The following TRAF3 variants were observed in gnomAD, a reference collection of about 807,000 sequenced individuals.
The protein encoded by TRAF3 is TNF receptor-associated factor 3.
TRAF3 carries 13 observed loss-of-function variants against 62.3 expected under a neutral mutation model. That is an observed-to-expected ratio of 0.21 (90% confidence interval 0.14 to 0.33). TRAF3 has a LOEUF of 0.33. Among genes scored for constraint, TRAF3 ranks in the 10% least tolerant of loss-of-function variants. The probability of loss-of-function intolerance (pLI) is 1.00; values close to 1 mark genes in which losing one functional copy is unlikely to be tolerated. For synonymous variants in TRAF3, 269 were observed against 283.4 expected, an observed-to-expected ratio of 0.95 and a Z score of 0.51; for missense variants, 440 against 741.8, an observed-to-expected ratio of 0.59 and a Z score of 4.73.
intron 2 of TRAF3, among the ~76,000 whole-genome samples, chr14:102,861,183 C>T (rs1245990123): frequency 2.0e-5 from 3 of 152,170 alleles, no homozygotes; most frequent in African/African-American, 7.2e-5. Context: ...CTCTAGTTTC[C>T]CCTTTTGGGG....
At chr14:102,904,284 C>G (rs2140005946) in intron 11 of TRAF3, among the ~76,000 whole-genome samples, 1 of 152,352 alleles carries the variant, frequency 6.6e-6, no homozygotes, top group African/African-American at 2.4e-5. Flanking sequence ...GGGCAGGGAC[C>G]TGGGCTCTTC....
chr14:102,838,765 C>T (rs901949397), intron 2 of TRAF3, among the ~76,000 whole-genome samples: 4 of 151,960 alleles, frequency 2.6e-5, no homozygotes, highest in Admixed American at 6.6e-5. Context: ...GAGGCTGGCT[C>T]GGAAGCAGCA....
chr14:102,869,715 A>G (rs1389866227), intron 2 of TRAF3, among the ~76,000 whole-genome samples: 1 of 151,676 alleles, frequency 6.6e-6, no homozygotes. Context: ...CTGAGGCAGG[A>G]GAATGGCATG....
chr14:102,839,960 G>A (rs1171550148), intron 2 of TRAF3, among the ~76,000 whole-genome samples: 2 of 152,044 alleles, frequency 1.3e-5, no homozygotes, highest in African/African-American at 4.8e-5. Context: ...TGGCAGTTCC[G>A]ACAAACTCTT....
At chr14:102,802,405 C>T (rs1204591933) in intron 1 of TRAF3, among the ~76,000 whole-genome samples, 19 of 142,834 alleles carry the variant, frequency 1.3e-4, no homozygotes, top group Middle Eastern at 7.9e-3. Context: ...CTGCCCGCCT[C>T]GGCCTCCCAA....
At position 102,846,006 on chromosome 14, in the gene TRAF3, AAAAT is replaced by A. The variant is rs1183966884; in HGVS notation, c.-18+15536_-18+15539del. Among the ~76,000 whole-genome samples, 51 of 92,234 alleles carry A rather than the reference AAAAT, an allele frequency of 5.5e-4. 1 individual carries two copies. Among genetic ancestry groups the A allele is most frequent in the African/African-American group, 1.5e-3 (28 of 18,912 alleles). 60.5% of individuals were successfully genotyped at this position (92,234 alleles called of 152,430 possible). On this transcript the variant is annotated intron_variant, in intron 2 of 11. Transcript: ENST00000392745. The stretch of plus-strand genomic sequence containing the variant: ...AAAAAAAAAAAAAAAAAAAAAAAAA[AAAAT>A]ACTATTATACCGCTGTTCAGTTAGC...
intron 2 of TRAF3, among the ~76,000 whole-genome samples, chr14:102,852,144 AT>A (rs1287825649): frequency 6.7e-6 from 1 of 148,950 alleles, no homozygotes; most frequent in African/African-American, 2.6e-5. Flanking sequence ...TTTTTATTTT[AT>A]TTTTTTTACA....
chr14:102,897,697 T>C (rs1328981049), intron 10 of TRAF3, among the ~76,000 whole-genome samples: 1 of 152,250 alleles, frequency 6.6e-6, no homozygotes, highest in Non-Finnish European at 1.5e-5. Flanking sequence ...CTTGTATTTG[T>C]TAAATTAGCT....
chr14:102,847,130 A>C (rs1230957785), intron 2 of TRAF3, among the ~76,000 whole-genome samples: 1 of 152,184 alleles, frequency 6.6e-6, no homozygotes, highest in Non-Finnish European at 1.5e-5. Flanking sequence ...ATCATGTTTT[A>C]TCTTAAATTT....
At chr14:102,817,978 C>T (rs1274137707) in intron 1 of TRAF3, among the ~76,000 whole-genome samples, 11 of 152,160 alleles carry the variant, frequency 7.2e-5, no homozygotes, top group Admixed American at 7.2e-4. Flanking sequence ...TCACCTTATT[C>T]TGCACTGGGA....
In TRAF3 at chr14:102,906,894, G is replaced by A. The variant is rs1048585232; in HGVS notation, c.*1110G>A. 7 of 152,310 alleles carry A rather than the reference G, an allele frequency of 4.6e-5. No homozygotes were observed. Among genetic ancestry groups the A allele is most frequent in the East Asian group, 1.9e-4 (1 of 5,186 alleles). 9.4% of individuals were successfully genotyped at this position (152,310 alleles called of 1,614,324 possible). The stretch of plus-strand genomic sequence containing the variant: ...GTTGTGCGTAGAGCTGGTGGCATAC[G>A]GCCCACGTGCCTTAGATGGGACATG... On this transcript the variant is annotated 3_prime_UTR_variant, in exon 12 of 12. Coordinates refer to ENST00000392745, the MANE Select transcript of TRAF3 (RefSeq NM_145725.3).
At chr14:102,845,464 A>G (rs879519621) in intron 2 of TRAF3, among the ~76,000 whole-genome samples, 1 of 151,774 alleles carries the variant, frequency 6.6e-6, no homozygotes, top group Non-Finnish European at 1.5e-5. Flanking sequence ...CAGTCTTCCA[A>G]AGTGCTGAGA....
Position 102,870,413 on chromosome 14 carries a change from G to A in TRAF3, c.212G>A (p.Arg71His), listed in dbSNP as rs1888269338. ...CSPKQTECGH[R>H]FCESCMAALL... ...CCGAAGCAGACCGAGTGTGGGCACC[G>A]CTTCTGCGAGAGCTGCATGGCGGCC... The change falls in exon 3 of 12, where the codon CGC becomes CAC. Residue 71 changes from arginine to histidine, a missense_variant. Transcript: ENST00000392745. 2 of 1,614,020 alleles carry A rather than the reference G, an allele frequency of 1.2e-6. No homozygotes were observed. The highest frequency in any genetic ancestry group is 1.7e-6 in the Non-Finnish European group (2 of 1,179,998).
chr14:102,867,517 G>C (rs1030069931), intron 2 of TRAF3, among the ~76,000 whole-genome samples: 2 of 152,110 alleles, frequency 1.3e-5, no homozygotes, highest in African/African-American at 4.8e-5. Context: ...GACTGGGAGG[G>C]TGGCCTCCTG....
At chr14:102,891,013 G>A (rs1247429168) in intron 8 of TRAF3, among the ~76,000 whole-genome samples, 1 of 152,184 alleles carries the variant, frequency 6.6e-6, no homozygotes, top group Non-Finnish European at 1.5e-5. Context: ...TTAATTTCTT[G>A]ATATTACAAG....
At chr14:102,783,882 A>G (rs1897365860) in intron 1 of TRAF3, among the ~76,000 whole-genome samples, 1 of 152,192 alleles carries the variant, frequency 6.6e-6, no homozygotes, top group Non-Finnish European at 1.5e-5. Context: ...AAATGGGGCT[A>G]CTAGCACCAG....
intron 2 of TRAF3, among the ~76,000 whole-genome samples, chr14:102,833,576 G>A (rs1885783315): frequency 6.6e-6 from 1 of 152,176 alleles, no homozygotes; most frequent in African/African-American, 2.4e-5. Context: ...GAATGAGGTA[G>A]TTTGGAAACA....
Position 102,907,404 on chromosome 14 carries a change from A to G in TRAF3, c.*1620A>G, listed in dbSNP as rs1412315220. ...CTCAACTCACTGTTTACTGTCTCTC[A>G]GTGTCCAACTGTGATTAGAAGCCTG... On this transcript the variant is annotated 3_prime_UTR_variant, in exon 12 of 12. Transcript: ENST00000392745. 6.8e-6 allele frequency: 1 copy of G among 146,924 alleles called. No homozygotes were observed. Among genetic ancestry groups the G allele is most frequent in the East Asian group, 1.9e-4 (1 of 5,194 alleles). The allele number at this position is 146,924 out of a possible 1,614,324, so 9.1% of individuals were successfully genotyped here. A position where few individuals can be genotyped will look rare whatever the true frequency, so the allele number is the denominator to read the frequency against.
chr14:102,876,797 A>G (rs1042067503), intron 6 of TRAF3: 1 of 468,610 alleles, frequency 2.1e-6, no homozygotes, highest in Non-Finnish European at 3.9e-6. Flanking sequence ...TCCGTTCCAC[A>G]AGCCTTCCGC....
Sources: gnomAD v4.1 joint callset for allele counts (sites outside exome capture counted in the v4.1 genomes callset) on GRCh38, gnomAD v4.1.1 for gene constraint, MANE v1.5 for transcripts, NCBI Gene and HGNC (gene_info 2026-07-23, HGNC 2026-07-21) for gene names.